SLCO6A1: variants seen among roughly 807,000 people sequenced by gnomAD.
SLCO6A1 encodes solute carrier organic anion transporter family member 6A1.
In SLCO6A1, 65 loss-of-function variants were observed where a neutral mutation model predicts 72.7. That is an observed-to-expected ratio of 0.89 (90% confidence interval 0.73 to 1.10). The LOEUF (loss-of-function observed/expected upper bound fraction) is 1.10. Among genes scored for constraint, SLCO6A1 ranks in the 50% least tolerant of loss-of-function variants. The probability of loss-of-function intolerance (pLI) is 0.00; values close to 1 mark genes in which losing one functional copy is unlikely to be tolerated. For synonymous variants in SLCO6A1, 314 were observed against 298.2 expected, an observed-to-expected ratio of 1.05 and a Z score of -0.55; for missense variants, 874 against 872.6, an observed-to-expected ratio of 1.00 and a Z score of -0.02.
At chr5:102,464,467 A>ATAGG (rs1240537289) in intron 4 of SLCO6A1, among the ~76,000 whole-genome samples, 2 of 152,192 alleles carry the variant, frequency 1.3e-5, no homozygotes, top group Non-Finnish European at 2.9e-5. Flanking sequence ...CAGAAGGTTA[A>ATAGG]TATACATACT....
At chr5:102,436,725 G>A (rs1749556438) in intron 7 of SLCO6A1, among the ~76,000 whole-genome samples, 1 of 152,112 alleles carries the variant, frequency 6.6e-6, no homozygotes, top group African/African-American at 2.4e-5. Context: ...AGAAACACCT[G>A]CTGTTGTATA....
intron 1 of SLCO6A1, among the ~76,000 whole-genome samples, chr5:102,491,157 CAG>C (rs1561504180): frequency 1.3e-5 from 2 of 152,282 alleles, no homozygotes; most frequent in South Asian, 2.1e-4. Context: ...TAGCTAAATA[CAG>C]AGTGTCCATT....
Position 102,429,716 on chromosome 5 carries a change from A to G in SLCO6A1, c.1276+8901T>C, listed in dbSNP as rs569775831. Reference sequence around the variant, plus strand: ...GTTTTGGTTACTGTAGCCCCGTAGTATAGTCTGAAGTTGGGTAATGTGATG... The same window carrying G: ...GTTTTGGTTACTGTAGCCCCGTAGTGTAGTCTGAAGTTGGGTAATGTGATG... On this transcript the variant is annotated intron_variant, in intron 7 of 13. Transcript: ENST00000506729. Among the ~76,000 whole-genome samples, 5 of 151,136 alleles carry G rather than the reference A, an allele frequency of 3.3e-5. No individual in the cohort carries two copies. The East Asian group carries it at 7.7e-4, about 23-fold the overall frequency.
At chr5:102,457,794 C>T (rs1202254510) in intron 6 of SLCO6A1, among the ~76,000 whole-genome samples, 1 of 152,164 alleles carries the variant, frequency 6.6e-6, no homozygotes, top group Non-Finnish European at 1.5e-5. Context: ...TATAAAGACA[C>T]ATGCACATGT....
rs780805267 is a variant in SLCO6A1 at position 102,373,469 on chromosome 5, G to C, written c.2043C>G (p.Ile681Met). ...TGAAAAATGCAATAGTAGTGAAGAT[G>C]ATAGTGCATAGTTTGCAAAGAAAAC... ...GICFLCKLCT[I>M]IFTTIAFFIY... The change falls in exon 13 of 14, where the codon ATC (isoleucine) becomes ATG (methionine). Residue 681 changes from isoleucine (I) to methionine (M), a missense_variant. Ile to Met is a conservative substitution (Grantham distance 10). Transcript: ENST00000506729. 3 of 1,528,918 alleles carry C rather than the reference G, an allele frequency of 2.0e-6. No individual in the cohort carries two copies. Among genetic ancestry groups the C allele is most frequent in the Non-Finnish European group, 2.6e-6 (3 of 1,139,794 alleles). The allele number at this position is 1,528,918 out of a possible 1,614,324, so 94.7% of individuals were successfully genotyped here.
intron 12 of SLCO6A1, among the ~76,000 whole-genome samples, chr5:102,382,205 G>A (rs1193190200): frequency 1.3e-5 from 2 of 151,478 alleles, no homozygotes; most frequent in Admixed American, 1.3e-4. Context: ...TCATTATTCT[G>A]CATATGGCTA....
intron 6 of SLCO6A1, among the ~76,000 whole-genome samples, chr5:102,441,701 T>C (rs1749841951): frequency 6.6e-6 from 1 of 152,088 alleles, no homozygotes; most frequent in Admixed American, 6.5e-5. Flanking sequence ...TATCAATTTA[T>C]CCCAGTCATC....
chr5:102,442,794 T>C (rs1329200450), intron 6 of SLCO6A1, among the ~76,000 whole-genome samples: 2 of 152,216 alleles, frequency 1.3e-5, no homozygotes, highest in Admixed American at 1.3e-4. Flanking sequence ...TTGCGCGCAG[T>C]GGCTCATGCC....
At chr5:102,477,296 G>A (rs922055073) in intron 3 of SLCO6A1, among the ~76,000 whole-genome samples, 1 of 151,826 alleles carries the variant, frequency 6.6e-6, no homozygotes, top group African/African-American at 2.4e-5. Context: ...TAATTTTTTT[G>A]TATTTTTAGT....
chr5:102,416,636 T>C (rs948389409), intron 8 of SLCO6A1, among the ~76,000 whole-genome samples: 2 of 152,076 alleles, frequency 1.3e-5, no homozygotes, highest in African/African-American at 4.8e-5. Flanking sequence ...ATAATGTATA[T>C]TATTTGGGTG....
chr5:102,497,999 C>G (rs1396979108), intron 1 of SLCO6A1, among the ~76,000 whole-genome samples: 1 of 152,104 alleles, frequency 6.6e-6, no homozygotes, highest in Non-Finnish European at 1.5e-5. Flanking sequence ...ACCACCCAGA[C>G]AAGTAATCTG....
At chr5:102,414,042 C>A (rs1219381982) in intron 8 of SLCO6A1, among the ~76,000 whole-genome samples, 3 of 151,846 alleles carry the variant, frequency 2.0e-5, no homozygotes, top group Non-Finnish European at 4.4e-5. Flanking sequence ...TTTTTCATAC[C>A]ATAAACAAGT....
chr5:102,406,830 C>A (rs912200345), intron 9 of SLCO6A1, among the ~76,000 whole-genome samples: 1 of 151,956 alleles, frequency 6.6e-6, no homozygotes, highest in African/African-American at 2.4e-5. Context: ...GCAGACACTG[C>A]GGAATAGAGG....
chr5:102,430,477 G>T (rs1390270949), intron 7 of SLCO6A1, among the ~76,000 whole-genome samples: 2 of 152,042 alleles, frequency 1.3e-5, no homozygotes, highest in African/African-American at 4.8e-5. Context: ...TGTTCCTTCA[G>T]TACCTAGTTT....
intron 3 of SLCO6A1, 23 bp downstream of exon 3, chr5:102,477,653 G>A (rs753191190): frequency 1.1e-5 from 17 of 1,596,606 alleles, no homozygotes; most frequent in African/African-American, 6.7e-5. Flanking sequence ...TGGGTCAATC[G>A]TAATAGAGGG....
intron 7 of SLCO6A1, among the ~76,000 whole-genome samples, chr5:102,437,621 T>G (rs1230507440): frequency 6.6e-6 from 1 of 152,146 alleles, no homozygotes; most frequent in Non-Finnish European, 1.5e-5. Flanking sequence ...AGCTGATCTA[T>G]TTTGGCTTTT....
chr5:102,403,212 G>T (rs1455719974), intron 9 of SLCO6A1, among the ~76,000 whole-genome samples: 2 of 152,064 alleles, frequency 1.3e-5, no homozygotes, highest in Non-Finnish European at 2.9e-5. Flanking sequence ...AAGAATTTTG[G>T]ATAAAAGCTT....
chr5:102,496,235 A>G (rs937151408), intron 1 of SLCO6A1, among the ~76,000 whole-genome samples: 1 of 152,182 alleles, frequency 6.6e-6, no homozygotes, highest in African/African-American at 2.4e-5. Flanking sequence ...ATGTGGTAAA[A>G]TGTTAACAGA....
chr5:102,447,589 G>A (rs1750181585), intron 6 of SLCO6A1, among the ~76,000 whole-genome samples: 1 of 151,982 alleles, frequency 6.6e-6, no homozygotes, highest in Non-Finnish European at 1.5e-5. Context: ...ATTTCTTCCT[G>A]GTTCAATCTT....
Sources: gnomAD v4.1 joint callset for allele counts (sites outside exome capture counted in the v4.1 genomes callset) on GRCh38, gnomAD v4.1.1 for gene constraint, MANE v1.5 for transcripts, NCBI Gene and HGNC (gene_info 2026-07-23, HGNC 2026-07-21) for gene names.